Variants in RIN3 observed in about 807,000 individuals in gnomAD.
RIN3 encodes the protein RAB5 interacting protein 3.
In RIN3, 54 loss-of-function variants were observed where a neutral mutation model predicts 76.3. That is an observed-to-expected ratio of 0.71 (90% CI 0.57 to 0.89). The LOEUF (loss-of-function observed/expected upper bound fraction) is 0.89, where lower values mean the gene tolerates loss of function less well. Ranked by LOEUF, RIN3 falls within the 40% of genes least tolerant of loss-of-function variation. The probability of loss-of-function intolerance (pLI) is 0.00; values close to 1 mark genes in which losing one functional copy is unlikely to be tolerated. For missense variants in RIN3, 1,256 were observed against 1,322.1 expected (o/e 0.95, Z 0.78); for synonymous variants, 576 against 564.0 (o/e 1.02, Z -0.30).
At chr14:92,528,028 T>G (rs951404629) in intron 1 of RIN3, among the ~76,000 whole-genome samples, 1 of 63,876 alleles carries the variant, frequency 1.6e-5, no homozygotes. Flanking sequence ...TGAAGAAGGA[T>G]GTGGGGGCAG....
Position 92,514,508 on chromosome 14 carries a change from A to T in RIN3, c.44+532A>T, listed in dbSNP as rs372189947. ...ACAGCTGACCGGCCCTCCTGGACCGAGGGTCCACTGGGCCCTTTTCCCGCC... is the reference window on the plus strand; with the variant it reads ...ACAGCTGACCGGCCCTCCTGGACCGTGGGTCCACTGGGCCCTTTTCCCGCC... On this transcript the variant is annotated intron_variant, in intron 1 of 9. Transcript: ENST00000216487. The surrounding 1 kb of genome is among the most constrained non-coding windows in gnomAD (Gnocchi z 7.2). 9.9e-5 allele frequency among the ~76,000 whole-genome samples: 15 copies of T among 152,134 alleles called. No homozygotes were observed. The highest frequency in any genetic ancestry group is 4.6e-4 in the Admixed American group (7 of 15,282).
In RIN3 at chr14:92,688,375, C is replaced by T; in HGVS notation, c.*123C>T. 1.1e-6 allele frequency: 1 copy of T among 922,778 alleles called. No homozygotes were observed. 57.2% of individuals were successfully genotyped at this position (922,778 alleles called of 1,614,324 possible). On this transcript the variant is annotated 3_prime_UTR_variant, in exon 10 of 10. Coordinates refer to ENST00000216487, the MANE Select transcript of RIN3 (RefSeq NM_024832.5). Reference sequence around the variant, plus strand: ...TGGGCCATTCCATGACGTGCCCAGGCCAACGTCGCAGGACAGTTGTGAAAA... The same window carrying T: ...TGGGCCATTCCATGACGTGCCCAGGTCAACGTCGCAGGACAGTTGTGAAAA...
intron 1 of RIN3, among the ~76,000 whole-genome samples, chr14:92,535,585 C>T (rs994529123): frequency 4.6e-5 from 7 of 151,500 alleles, no homozygotes; most frequent in Non-Finnish European, 8.8e-5. Context: ...CATCAGATTA[C>T]GAAGACATTC....
chr14:92,557,247 C>T (rs1034002958), intron 2 of RIN3, among the ~76,000 whole-genome samples: 8 of 152,194 alleles, frequency 5.3e-5, no homozygotes, highest in Admixed American at 5.2e-4. Flanking sequence ...TGCCACCTTG[C>T]CCATTGTATA....
At chr14:92,640,771 G>A (rs1405305009) in intron 4 of RIN3, among the ~76,000 whole-genome samples, 1 of 148,794 alleles carries the variant, frequency 6.7e-6, no homozygotes. Flanking sequence ...TGTTCATCGG[G>A]GGCTGCCTGA....
At chr14:92,516,272 G>A (rs1896439047) in intron 1 of RIN3, among the ~76,000 whole-genome samples, 1 of 152,208 alleles carries the variant, frequency 6.6e-6, no homozygotes, top group South Asian at 2.1e-4. Flanking sequence ...GGGTTCCCTG[G>A]TATTGGGGGA....
In RIN3 at chr14:92,648,806, C is replaced by T. The variant is rs75014453; in HGVS notation, c.533-2776C>T. ...CATATCAGAGCTGCAGGAACACAGG[C>T]GGGGTGGGCAAGGCCTGAGCACATC... On this transcript the variant is annotated intron_variant, in intron 5 of 9. Transcript: ENST00000216487. This position sits in a 1 kb window ranked among gnomAD's most constrained non-coding sequence, Gnocchi z 4.1. Among the ~76,000 whole-genome samples the T allele has an allele frequency of 0.022, 3,318 of 152,256 alleles. 50 individuals carry two copies. Among genetic ancestry groups the T allele is most frequent in the Non-Finnish European group, 0.034 (2,328 of 68,008 alleles).
intron 2 of RIN3, among the ~76,000 whole-genome samples, chr14:92,558,241 C>G (rs552704374): frequency 1.3e-5 from 2 of 151,990 alleles, no homozygotes; most frequent in Non-Finnish European, 2.9e-5. Context: ...CCCAGCTATT[C>G]GGGAGGCTGA....
Position 92,565,751 on chromosome 14 carries a change from G to A in RIN3, c.249+9796G>A, listed in dbSNP as rs577565623. 3.7e-4 allele frequency among the ~76,000 whole-genome samples: 56 copies of A among 152,294 alleles called. No homozygotes were observed. The South Asian group carries it at 4.4e-3, about 12-fold the overall frequency. On this transcript the variant is annotated intron_variant, in intron 2 of 9. Transcript: ENST00000216487. ...CAGAGGCCACTTTCATTGCCATCTTGGTTTTGGTGGGTTTGGGCCGGCTTC... is the reference window on the plus strand; with the variant it reads ...CAGAGGCCACTTTCATTGCCATCTTAGTTTTGGTGGGTTTGGGCCGGCTTC...
chr14:92,623,312 A>G lies in RIN3; in HGVS notation c.440+7833A>G, dbSNP rs1032715938. Among the ~76,000 whole-genome samples the G allele has an allele frequency of 1.3e-5, 2 of 152,176 alleles. No individual in the cohort carries two copies. Among genetic ancestry groups the G allele is most frequent in the Admixed American group, 6.5e-5 (1 of 15,276 alleles). On this transcript the variant is annotated intron_variant, in intron 4 of 9. Coordinates refer to ENST00000216487, the MANE Select transcript of RIN3 (RefSeq NM_024832.5). The surrounding 1 kb of genome is among the most constrained non-coding windows in gnomAD (Gnocchi z 4.9). ...AACTCCACCTTTTTCTGCTAATATC[A>G]TATCTAAGGCCATTCTGTTTTCCCA...
At chr14:92,613,119 C>T (rs1376577681) in intron 3 of RIN3, among the ~76,000 whole-genome samples, 1 of 152,224 alleles carries the variant, frequency 6.6e-6, no homozygotes, top group Non-Finnish European at 1.5e-5. Context: ...TTGCCACTAA[C>T]CCACTCCAGG....
At chr14:92,611,451 A>G (rs1885732416) in intron 3 of RIN3, among the ~76,000 whole-genome samples, 1 of 152,038 alleles carries the variant, frequency 6.6e-6, no homozygotes. Flanking sequence ...TAGTAGAGAC[A>G]GGTTTGACCA....
intron 5 of RIN3, among the ~76,000 whole-genome samples, chr14:92,646,741 A>G (rs1237647162): frequency 1.3e-5 from 2 of 152,118 alleles, no homozygotes; most frequent in Admixed American, 6.5e-5. Context: ...GCTCCCGGCC[A>G]TGTGTGTTTG....
intron 8 of RIN3, among the ~76,000 whole-genome samples, chr14:92,679,935 T>C (rs191465580): frequency 6.6e-5 from 10 of 152,336 alleles, no homozygotes; most frequent in South Asian, 2.1e-4. Flanking sequence ...TCAAGTTAGA[T>C]TGGCAGTTTT....
intron 4 of RIN3, among the ~76,000 whole-genome samples, chr14:92,640,066 C>CTG (rs200778315): frequency 2.8e-4 from 29 of 102,970 alleles, no homozygotes; most frequent in East Asian, 9.2e-4. Flanking sequence ...GGCTGCCTGA[C>CTG]TGCGTTTGCT....
intron 3 of RIN3, among the ~76,000 whole-genome samples, chr14:92,586,095 C>T (rs1386171271): frequency 6.6e-6 from 1 of 152,228 alleles, no homozygotes; most frequent in Non-Finnish European, 1.5e-5. Context: ...AACTCTGCAA[C>T]ACAGCTACTG....
At chr14:92,525,593 G>A (rs980686954) in intron 1 of RIN3, among the ~76,000 whole-genome samples, 3 of 152,204 alleles carry the variant, frequency 2.0e-5, no homozygotes, top group African/African-American at 7.2e-5. Flanking sequence ...TGCCAGGGTG[G>A]AGGGGACTGT....
chr14:92,515,466 C>T (rs1896415397), intron 1 of RIN3: 1 of 504,488 alleles, frequency 2.0e-6, no homozygotes, highest in Admixed American at 3.9e-5. Context: ...TATTTAAACT[C>T]TCTGTATCTC....
intron 8 of RIN3, 100 bp downstream of exon 8, chr14:92,676,706 G>T: frequency 7.7e-7 from 1 of 1,294,940 alleles, no homozygotes. Flanking sequence ...CTGGATGCCA[G>T]ACTCTGGCTG....
Sources: gnomAD v4.1 joint callset for allele counts (sites outside exome capture counted in the v4.1 genomes callset) on GRCh38, gnomAD v4.1.1 for gene constraint, Gnocchi (gnomAD v3.1) non-coding constraint, MANE v1.5 for transcripts, NCBI Gene and HGNC (gene_info 2026-07-23, HGNC 2026-07-21) for gene names.